Variants in ARHGEF12 observed in about 807,000 individuals in gnomAD.
ARHGEF12 encodes the protein Rho guanine nucleotide exchange factor 12.
In ARHGEF12, 66 loss-of-function variants were observed where a neutral mutation model predicts 211.2. That is an observed-to-expected ratio of 0.31 (90% CI 0.26 to 0.38). The LOEUF (loss-of-function observed/expected upper bound fraction) is 0.38. Ranked by LOEUF, ARHGEF12 falls within the 10% of genes least tolerant of loss-of-function variation. The probability of loss-of-function intolerance (pLI) is 1.00; values close to 1 mark genes in which losing one functional copy is unlikely to be tolerated. For missense variants in ARHGEF12, 1,429 were observed against 1,869.5 expected, an observed-to-expected ratio of 0.76 and a Z score of 4.34; for synonymous variants, 592 against 638.4, an observed-to-expected ratio of 0.93 and a Z score of 1.09.
chr11:120,455,031 G>GA lies in ARHGEF12; in HGVS notation c.2057-2079dup, dbSNP rs201906453. On this transcript the variant is annotated intron_variant, in intron 22 of 40. Transcript: ENST00000397843. ...CCACCACAGCGATCAGAGTTTAAAG[G>GA]AAAAAAAAGAAGTCCCTAAAATTAA... Among the ~76,000 whole-genome samples the GA allele has an allele frequency of 2.4e-3, 359 of 151,092 alleles. 5 individuals carry two copies. Among genetic ancestry groups the GA allele is most frequent in the Admixed American group, 0.02 (305 of 15,206 alleles).
At position 120,416,472 on chromosome 11, in the gene ARHGEF12, C is replaced by T. The variant is rs115189976; in HGVS notation, c.200-4281C>T. On this transcript the variant is annotated intron_variant, in intron 4 of 40. Coordinates refer to ENST00000397843, the MANE Select transcript of ARHGEF12 (RefSeq NM_015313.3). ...AAGAGGGGCACCTAACTTCAGTATG[C>T]ATATTTAGGAAAAGCTTGTAAGAAG... Among the ~76,000 whole-genome samples, 445 of 152,196 alleles carry T rather than the reference C, an allele frequency of 2.9e-3. 3 individuals are homozygous for T. The highest frequency in any genetic ancestry group is 0.01 in the African/African-American group (434 of 41,524).
At chr11:120,407,679 A>C in intron 2 of ARHGEF12, 59 bp from the exon 3 acceptor site, 1 of 1,353,996 alleles carries the variant, frequency 7.4e-7, no homozygotes, top group South Asian at 1.2e-5. Context: ...TAGAATTTTA[A>C]ATTTTTTATT....
chr11:120,405,996 G>T, intron 1 of ARHGEF12, 122 bp from the exon 2 acceptor site: 1 of 682,694 alleles, frequency 1.5e-6, no homozygotes. Context: ...ATTGATTCTT[G>T]CTATTGGAAA....
intron 15 of ARHGEF12, among the ~76,000 whole-genome samples, chr11:120,443,100 G>C (rs914601167): frequency 6.7e-6 from 1 of 149,868 alleles, no homozygotes; most frequent in African/African-American, 2.5e-5. Context: ...CACCTCACTG[G>C]AAGCTCTGCC....
At chr11:120,341,031 G>A (rs761857099) in intron 1 of ARHGEF12, among the ~76,000 whole-genome samples, 1 of 152,078 alleles carries the variant, frequency 6.6e-6, no homozygotes, top group African/African-American at 2.4e-5. Flanking sequence ...GGTGGTTTCC[G>A]GTTGTTAACA....
At chr11:120,459,009 G>T in intron 25 of ARHGEF12, 165 bp from the exon 26 acceptor site, 1 of 556,794 alleles carries the variant, frequency 1.8e-6, no homozygotes, top group Non-Finnish European at 2.7e-6. Context: ...CAGTATGTAG[G>T]AAAATTTCTT....
intron 1 of ARHGEF12, among the ~76,000 whole-genome samples, chr11:120,355,697 ACT>A (rs1439092436): frequency 3.3e-5 from 5 of 151,862 alleles, no homozygotes; most frequent in Non-Finnish European, 7.4e-5. Context: ...ACAGAGTGAG[ACT>A]CTGTCTCTTT....
At chr11:120,378,998 C>T (rs1249646640) in intron 1 of ARHGEF12, among the ~76,000 whole-genome samples, 1 of 152,056 alleles carries the variant, frequency 6.6e-6, no homozygotes, top group East Asian at 1.9e-4. Context: ...TTACAGAAAA[C>T]AGGCTGAGAT....
At chr11:120,406,838 G>GT (rs1303514186) in intron 2 of ARHGEF12, among the ~76,000 whole-genome samples, 10 of 152,168 alleles carry the variant, frequency 6.6e-5, no homozygotes, top group African/African-American at 2.4e-4. Flanking sequence ...GATTACAGGC[G>GT]TAAGCCACTG....
rs1032127134 is a variant in ARHGEF12 at position 120,447,043 on chromosome 11, G to A, written c.1547G>A (p.Arg516Gln). The A allele has an allele frequency of 6.2e-6, 10 of 1,613,970 alleles. No homozygotes were observed. The highest frequency in any genetic ancestry group is 1.1e-5 in the South Asian group (1 of 91,072). The change falls in exon 18 of 41, where the codon CGG becomes CAG. Residue 516 changes from arginine to glutamine, a missense_variant. Around this residue, in one of 7 missense-constraint regions of ARHGEF12, gnomAD observed 373 missense variants for 467.5 expected, o/e 0.80. Transcript: ENST00000397843. ...DKDRLTLEKE[R>Q]TCAEQIVAKI... is the part of the protein sequence containing the mutation. ...GACCGATTGACTTTGGAGAAGGAGC[G>A]GACATGTGCAGAACAGATTGTTGCC... is the stretch of plus-strand genomic sequence containing the variant.
intron 11 of ARHGEF12, among the ~76,000 whole-genome samples, chr11:120,432,910 T>TTTTTGTTTTG (rs1332844563): frequency 2.0e-5 from 3 of 152,184 alleles, no homozygotes; most frequent in African/African-American, 7.2e-5. Context: ...ATTTGTGGGT[T>TTTTTGTTTTG]TTTTGTTTTG....
At chr11:120,386,350 A>G (rs892050682) in intron 1 of ARHGEF12, among the ~76,000 whole-genome samples, 1 of 152,198 alleles carries the variant, frequency 6.6e-6, no homozygotes, top group Admixed American at 6.5e-5. Flanking sequence ...AGAAAGAGCT[A>G]GGACCCTAAT....
Position 120,478,159 on chromosome 11 carries a change from G to A in ARHGEF12, c.3536G>A (p.Arg1179Lys). The A allele has an allele frequency of 2.5e-6, 4 of 1,608,432 alleles. No homozygotes were observed. The highest frequency in any genetic ancestry group is 3.4e-6 in the Non-Finnish European group (4 of 1,175,988). The change falls in exon 37 of 41, where the codon AGA (arginine) becomes AAA (lysine). Residue 1179 changes from arginine to lysine, a missense_variant. Arg to Lys is a conservative substitution (Grantham distance 26). This residue lies in a region of ARHGEF12 where 467 missense variants were observed against 468.4 expected (regional missense o/e 1.00). Transcript: ENST00000397843. ...CCTTTTCTATTCCATTGGACAGACA[G>A]AGATTTGGGATTAGAATCTACCTTA... ...ISVTGLQSPDRDLGLESTLIS... is the reference protein window; with the variant it reads ...ISVTGLQSPDKDLGLESTLIS...
intron 1 of ARHGEF12, among the ~76,000 whole-genome samples, chr11:120,364,336 A>T (rs1223110259): frequency 6.6e-6 from 1 of 152,224 alleles, no homozygotes; most frequent in African/African-American, 2.4e-5. Context: ...GTGGTAAAGC[A>T]GAATTTCTTA....
chr11:120,430,169 C>T (rs1276813477), intron 10 of ARHGEF12, among the ~76,000 whole-genome samples: 2 of 151,878 alleles, frequency 1.3e-5, no homozygotes, highest in Admixed American at 6.6e-5. Flanking sequence ...AACAGAATGG[C>T]AGTTGATATG....
At chr11:120,413,873 T>C (rs1944953200) in intron 4 of ARHGEF12, among the ~76,000 whole-genome samples, 1 of 152,226 alleles carries the variant, frequency 6.6e-6, no homozygotes, top group South Asian at 2.1e-4. Flanking sequence ...AAAGTCAATG[T>C]AATATGGAAG....
In ARHGEF12 at chr11:120,394,485, C is replaced by T. The variant is rs76054255; in HGVS notation, c.33-11633C>T. On this transcript the variant is annotated intron_variant, in intron 1 of 40. Coordinates refer to ENST00000397843, the MANE Select transcript of ARHGEF12 (RefSeq NM_015313.3). ...TACTGGGATTTCAGGTGTGAGCCAC[C>T]GTACCTGACCAATTTCATTTTAAGC... Among the ~76,000 whole-genome samples the T allele has an allele frequency of 8.9e-3, 1,347 of 150,760 alleles. 90 individuals are homozygous for T. In the South Asian group the frequency reaches 0.16, roughly 18 times the overall value.
chr11:120,444,881 A>C (rs905484058), intron 15 of ARHGEF12, among the ~76,000 whole-genome samples: 1 of 152,314 alleles, frequency 6.6e-6, no homozygotes, highest in Middle Eastern at 3.4e-3. Context: ...TTAAAACTCC[A>C]AAAACTCAAC....
chr11:120,368,147 G>T (rs1289964394), intron 1 of ARHGEF12, among the ~76,000 whole-genome samples: 1 of 151,954 alleles, frequency 6.6e-6, no homozygotes, highest in African/African-American at 2.4e-5. Context: ...GCATGATCTT[G>T]GCTCACTGCA....
Sources: gnomAD v4.1 joint callset for allele counts (sites outside exome capture counted in the v4.1 genomes callset) on GRCh38, gnomAD v4.1.1 for gene constraint, gnomAD v4.1.1 regional missense constraint, MANE v1.5 for transcripts, NCBI Gene and HGNC (gene_info 2026-07-23, HGNC 2026-07-21) for gene names.